PHYHIPL: variants seen among roughly 807,000 people sequenced by gnomAD.
PHYHIPL encodes phytanoyl-CoA 2-hydroxylase interacting protein like.
Under a neutral mutation model 33.4 loss-of-function variants are expected in PHYHIPL, and 9 were observed. The ratio of observed to expected loss-of-function variants is 0.27; its 90% CI spans 0.16 to 0.47. The LOEUF (loss-of-function observed/expected upper bound fraction) is 0.47. PHYHIPL is among the 20% of genes least tolerant of loss of function. The probability of loss-of-function intolerance (pLI) is 0.99; values close to 1 mark genes in which losing one functional copy is unlikely to be tolerated. For missense variants in PHYHIPL, 365 were observed against 460.7 expected, an observed-to-expected ratio of 0.79 and a Z score of 1.90; for synonymous variants, 153 against 154.1, an observed-to-expected ratio of 0.99 and a Z score of 0.05.
intron 1 of PHYHIPL, 44 bp downstream of exon 1, chr10:59,177,003 C>T (rs372850349): frequency 1.9e-6 from 3 of 1,568,580 alleles, no homozygotes; most frequent in African/African-American, 1.4e-5. Flanking sequence ...GAGTTCGCGC[C>T]GAGGCGCCGG....
At chr10:59,177,240 G>T in intron 1 of PHYHIPL, 1 of 579,478 alleles carries the variant, frequency 1.7e-6, no homozygotes, top group Non-Finnish European at 2.9e-6. Flanking sequence ...CGACGTTCCC[G>T]CTCGCGGCTC....
chr10:59,191,741 A>T (rs1209914588), intron 1 of PHYHIPL, among the ~76,000 whole-genome samples: 2 of 151,984 alleles, frequency 1.3e-5, no homozygotes, highest in Non-Finnish European at 2.9e-5. Context: ...TAATAGTAAG[A>T]CTTAATATAT....
intron 1 of PHYHIPL, chr10:59,206,831 T>C: frequency 8.5e-7 from 1 of 1,177,756 alleles, no homozygotes; most frequent in South Asian, 1.6e-5. Flanking sequence ...TTATTACATT[T>C]TAAGTGATTA....
intron 1 of PHYHIPL, among the ~76,000 whole-genome samples, chr10:59,189,294 A>T (rs1400146364): frequency 6.6e-6 from 1 of 152,074 alleles, no homozygotes; most frequent in Non-Finnish European, 1.5e-5. Context: ...AATGATACAA[A>T]TGAATCCAAC....
chr10:59,189,106 T>C (rs1033433889), intron 1 of PHYHIPL, among the ~76,000 whole-genome samples: 2 of 152,078 alleles, frequency 1.3e-5, no homozygotes, highest in Admixed American at 1.3e-4. Context: ...ATATTATTCC[T>C]TTGAAACCAA....
rs553587403 is a variant in PHYHIPL at position 59,177,000 on chromosome 10, C to T, written c.106+41C>T. 2.4e-4 allele frequency: 379 copies of T among 1,569,064 alleles called. 5 individuals are homozygous for T. The South Asian group carries it at 4.2e-3, about 17-fold the overall frequency. ...ACCGCGAGGAAAGGGACAGAGTTCG[C>T]GCCGAGGCGCCGGGGCCACTCTGGC... On this transcript the variant is annotated intron_variant, in intron 1 of 4. Coordinates refer to ENST00000373880, the MANE Select transcript of PHYHIPL (RefSeq NM_032439.4).
intron 1 of PHYHIPL, among the ~76,000 whole-genome samples, chr10:59,184,551 T>G (rs1276144584): frequency 2.0e-5 from 3 of 152,106 alleles, no homozygotes; most frequent in Non-Finnish European, 4.4e-5. Context: ...GTAAGTTAGT[T>G]CTGTATGGAG....
intron 1 of PHYHIPL, among the ~76,000 whole-genome samples, chr10:59,179,194 G>A (rs1364624520): frequency 1.3e-5 from 2 of 151,886 alleles, no homozygotes; most frequent in Non-Finnish European, 2.9e-5. Flanking sequence ...CATATGAAAT[G>A]TTGCATTAAA....
At chr10:59,216,767 C>A (rs910680884) in intron 1 of PHYHIPL, among the ~76,000 whole-genome samples, 1 of 152,020 alleles carries the variant, frequency 6.6e-6, no homozygotes, top group Non-Finnish European at 1.5e-5. Context: ...TTTGGAGAAG[C>A]TTGGTTATGA....
At chr10:59,179,885 A>ACACT (rs1393947933) in intron 1 of PHYHIPL, among the ~76,000 whole-genome samples, 1 of 140,896 alleles carries the variant, frequency 7.1e-6, no homozygotes, top group Non-Finnish European at 1.6e-5. Context: ...ACACACACAC[A>ACACT]CTACCTCATG....
intron 1 of PHYHIPL, among the ~76,000 whole-genome samples, chr10:59,222,071 A>G (rs945720958): frequency 6.6e-6 from 1 of 152,054 alleles, no homozygotes; most frequent in African/African-American, 2.4e-5. Flanking sequence ...TAGTTTCATC[A>G]TTGGTGAAGA....
upstream of PHYHIPL, among the ~76,000 whole-genome samples, chr10:59,174,566 A>G (rs143551128): frequency 6.6e-6 from 1 of 152,350 alleles, no homozygotes; most frequent in East Asian, 1.9e-4. Flanking sequence ...AAGAATCCAA[A>G]TCCTCAGCAG....
At position 59,187,626 on chromosome 10, in the gene PHYHIPL, A is replaced by T. The variant is rs566843654; in HGVS notation, c.106+10667A>T. Among the ~76,000 whole-genome samples, 246 of 152,284 alleles carry T rather than the reference A, an allele frequency of 1.6e-3. 1 individual carries two copies. Among genetic ancestry groups the T allele is most frequent in the African/African-American group, 5.8e-3 (239 of 41,560 alleles). ...TTTTTTGGTTGGTAAGCTATTAATTATTGCCTCAATTTCAGAGCCTGTTAT... is the reference window on the plus strand; with the variant it reads ...TTTTTTGGTTGGTAAGCTATTAATTTTTGCCTCAATTTCAGAGCCTGTTAT... On this transcript the variant is annotated intron_variant, in intron 1 of 4. Transcript: ENST00000373880.
intron 1 of PHYHIPL, among the ~76,000 whole-genome samples, chr10:59,215,710 A>G (rs2436568): frequency 0.99 from 150,347 of 152,030 alleles, 74,362 homozygotes; most frequent in Middle Eastern, 1. Flanking sequence ...AAATTTACTA[A>G]AATATGTGAA....
chr10:59,185,706 T>A (rs1385019952), intron 1 of PHYHIPL, among the ~76,000 whole-genome samples: 1 of 152,258 alleles, frequency 6.6e-6, no homozygotes, highest in Non-Finnish European at 1.5e-5. Context: ...TGCATTTCTC[T>A]GATGGCCAGT....
intron 1 of PHYHIPL, chr10:59,177,288 C>A: frequency 1.6e-6 from 1 of 624,490 alleles, no homozygotes; most frequent in Non-Finnish European, 2.6e-6. Context: ...TGCCGCAGTC[C>A]GGATTTCCTG....
intron 2 of PHYHIPL, among the ~76,000 whole-genome samples, chr10:59,234,948 G>A (rs1033452967): frequency 6.6e-6 from 1 of 151,820 alleles, no homozygotes; most frequent in Non-Finnish European, 1.5e-5. Context: ...ATTTAGACAA[G>A]AAGAACTGAA....
chr10:59,226,266 T>G (rs1315999370), intron 1 of PHYHIPL, among the ~76,000 whole-genome samples: 5 of 152,052 alleles, frequency 3.3e-5, no homozygotes, highest in African/African-American at 9.7e-5. Context: ...GAATTTTTCT[T>G]TCAGAATGTA....
At chr10:59,221,075 T>G (rs1839758132) in intron 1 of PHYHIPL, among the ~76,000 whole-genome samples, 1 of 152,058 alleles carries the variant, frequency 6.6e-6, no homozygotes, top group South Asian at 2.1e-4. Flanking sequence ...CAGACTAGAC[T>G]AGACTAAACT....
Sources: gnomAD v4.1 joint callset for allele counts (sites outside exome capture counted in the v4.1 genomes callset) on GRCh38, gnomAD v4.1.1 for gene constraint, MANE v1.5 for transcripts, NCBI Gene and HGNC (gene_info 2026-07-23, HGNC 2026-07-21) for gene names.